The following LRCH1 variants were observed in gnomAD, a reference collection of about 807,000 sequenced individuals.
LRCH1 encodes leucine rich repeats and calponin homology domain containing 1, also known as leucine-rich repeat and calponin homology domain-containing protein 1.
In LRCH1, 23 loss-of-function variants were observed where a neutral mutation model predicts 94.9. The ratio of observed to expected loss-of-function variants is 0.24; its 90% CI spans 0.17 to 0.34. The LOEUF is 0.34. Ranked by LOEUF, LRCH1 falls within the 10% of genes least tolerant of loss-of-function variation. The probability of loss-of-function intolerance (pLI) is 1.00; values close to 1 mark genes in which losing one functional copy is unlikely to be tolerated. For synonymous variants in LRCH1, 364 were observed against 354.9 expected (o/e 1.03, Z -0.29); for missense variants, 790 against 945.9 (o/e 0.84, Z 2.16).
intron 10 of LRCH1, 25 bp from the exon 11 acceptor site, chr13:46,701,096 T>C: frequency 6.8e-7 from 1 of 1,474,158 alleles, no homozygotes; most frequent in Non-Finnish European, 9.5e-7. Flanking sequence ...TCGTTTTCAT[T>C]CTTATGCTTG....
intron 1 of LRCH1, among the ~76,000 whole-genome samples, chr13:46,589,516 A>G (rs1216309565): frequency 6.6e-6 from 1 of 151,204 alleles, no homozygotes; most frequent in Non-Finnish European, 1.5e-5. Flanking sequence ...TCAGATACAC[A>G]GTGCTCATGC....
chr13:46,573,890 T>G (rs2050272388), intron 1 of LRCH1, among the ~76,000 whole-genome samples: 4 of 107,412 alleles, frequency 3.7e-5, no homozygotes, highest in Non-Finnish European at 6.2e-5. Flanking sequence ...TGAGATGGAG[T>G]CTTACTCTAT....
At chr13:46,735,451 T>A (rs928347266) in intron 19 of LRCH1, among the ~76,000 whole-genome samples, 1 of 152,184 alleles carries the variant, frequency 6.6e-6, no homozygotes, top group South Asian at 2.1e-4. Flanking sequence ...CTCCCTGTGG[T>A]TTTTAAAACT....
intron 8 of LRCH1, among the ~76,000 whole-genome samples, chr13:46,694,336 G>A (rs1468359966): frequency 6.6e-6 from 1 of 152,142 alleles, no homozygotes; most frequent in African/African-American, 2.4e-5. Flanking sequence ...AGGTGGAAGT[G>A]CCACATCTGG....
At chr13:46,709,281 T>C (rs988889408) in intron 13 of LRCH1, among the ~76,000 whole-genome samples, 1 of 152,186 alleles carries the variant, frequency 6.6e-6, no homozygotes, top group Admixed American at 6.5e-5. Context: ...TTCCAAGTCA[T>C]ATATCAATCA....
chr13:46,745,974 A>C (rs893064951), downstream of LRCH1, among the ~76,000 whole-genome samples: 1 of 152,160 alleles, frequency 6.6e-6, no homozygotes, highest in Non-Finnish European at 1.5e-5. Context: ...GTCCCATCTG[A>C]CATTGAAATT....
At chr13:46,581,186 C>G (rs148728097) in intron 1 of LRCH1, among the ~76,000 whole-genome samples, 360 of 152,260 alleles carry the variant, frequency 2.4e-3, no homozygotes, top group African/African-American at 8.1e-3. Context: ...TCCTTTGCTC[C>G]TTCAATCTCC....
intron 1 of LRCH1, among the ~76,000 whole-genome samples, chr13:46,621,925 C>T (rs1012904410): frequency 2.0e-5 from 3 of 152,128 alleles, no homozygotes; most frequent in African/African-American, 7.2e-5. Context: ...TCTCTGTACT[C>T]TTAAATGCTA....
downstream of LRCH1, among the ~76,000 whole-genome samples, chr13:46,748,888 A>G (rs1874014153): frequency 6.6e-6 from 1 of 152,200 alleles, no homozygotes. Flanking sequence ...CAAGGTAGGG[A>G]AGGGTGAAAA....
intron 2 of LRCH1, among the ~76,000 whole-genome samples, chr13:46,660,034 C>CTTTTTTTT (rs767544799): frequency 2.9e-4 from 30 of 103,644 alleles, no homozygotes; most frequent in Non-Finnish European, 4.1e-4. Flanking sequence ...TTAGGAGTCA[C>CTTTTTTTT]TTTTTTTTTT....
At chr13:46,612,472 G>A (rs2050758166) in intron 1 of LRCH1, among the ~76,000 whole-genome samples, 2 of 152,172 alleles carry the variant, frequency 1.3e-5, no homozygotes, top group African/African-American at 4.8e-5. Flanking sequence ...TGCCTATTCT[G>A]TCGTGGGCTC....
At chr13:46,619,224 T>C (rs1451767949) in intron 1 of LRCH1, among the ~76,000 whole-genome samples, 2 of 151,902 alleles carry the variant, frequency 1.3e-5, no homozygotes, top group African/African-American at 4.8e-5. Flanking sequence ...ATTCTCATGC[T>C]TCAGCCTCCC....
intron 2 of LRCH1, among the ~76,000 whole-genome samples, chr13:46,657,086 A>G (rs1212917541): frequency 6.6e-6 from 1 of 152,154 alleles, no homozygotes; most frequent in Non-Finnish European, 1.5e-5. Flanking sequence ...TTCTGATCTT[A>G]ATAGAGTTGT....
intron 3 of LRCH1, among the ~76,000 whole-genome samples, chr13:46,674,925 A>G (rs989398349): frequency 2.6e-5 from 4 of 152,012 alleles, no homozygotes; most frequent in Admixed American, 6.6e-5. Context: ...TGGGGCTGTG[A>G]TTTTTCTCCT....
intron 4 of LRCH1, among the ~76,000 whole-genome samples, chr13:46,685,069 A>T (rs1400409926): frequency 6.6e-6 from 1 of 152,204 alleles, no homozygotes; most frequent in African/African-American, 2.4e-5. Flanking sequence ...ATCCCTTAAC[A>T]GATCCCATAA....
intron 2 of LRCH1, among the ~76,000 whole-genome samples, chr13:46,663,052 A>G (rs1374486124): frequency 6.6e-6 from 1 of 152,192 alleles, no homozygotes; most frequent in Admixed American, 6.5e-5. Flanking sequence ...TCTAGTCTGA[A>G]AACATTTTAA....
chr13:46,744,775 T>A lies in LRCH1; in HGVS notation c.*2927T>A, dbSNP rs573280438. Reference sequence around the variant, plus strand: ...ATGATATTTTAAAATTTTAAGAAACTGAAAGTTGTTTTGGATTAGGTGAAA... The same window carrying A: ...ATGATATTTTAAAATTTTAAGAAACAGAAAGTTGTTTTGGATTAGGTGAAA... On this transcript the variant is annotated 3_prime_UTR_variant, in exon 20 of 20. Transcript: ENST00000389797. The A allele has an allele frequency of 6.1e-6, 6 of 985,290 alleles. No homozygotes were observed. Among genetic ancestry groups the A allele is most frequent in the East Asian group, 2.3e-4 (2 of 8,818 alleles). 61.0% of individuals were successfully genotyped at this position (985,290 alleles called of 1,614,324 possible). A position where few individuals can be genotyped will look rare whatever the true frequency, so the allele number is the denominator to read the frequency against.
intron 1 of LRCH1, among the ~76,000 whole-genome samples, chr13:46,580,994 G>A (rs2050358399): frequency 6.6e-6 from 1 of 152,204 alleles, no homozygotes; most frequent in Non-Finnish European, 1.5e-5. Flanking sequence ...GATTTGAAGT[G>A]TGTAGCTGAA....
At chr13:46,655,745 G>A (rs978341647) in intron 2 of LRCH1, among the ~76,000 whole-genome samples, 1 of 152,232 alleles carries the variant, frequency 6.6e-6, no homozygotes, top group Admixed American at 6.5e-5. Flanking sequence ...TAGTAGGAGT[G>A]TTGTGAATCT....
Sources: gnomAD v4.1 joint callset for allele counts (sites outside exome capture counted in the v4.1 genomes callset) on GRCh38, gnomAD v4.1.1 for gene constraint, MANE v1.5 for transcripts, NCBI Gene and HGNC (gene_info 2026-07-23, HGNC 2026-07-21) for gene names.